Variants in DHX36 observed in about 807,000 individuals in gnomAD.
The protein encoded by DHX36 is DEAH-box helicase 36, also known as ATP-dependent DNA/RNA helicase DHX36.
In DHX36, 50 loss-of-function variants were observed where a neutral mutation model predicts 139.0. That is an observed-to-expected ratio of 0.36 (90% CI 0.29 to 0.46). The LOEUF is 0.46. Among genes scored for constraint, DHX36 ranks in the 20% least tolerant of loss-of-function variants. DHX36 has a pLI of 1.00. For synonymous variants in DHX36, 425 were observed against 401.9 expected, an observed-to-expected ratio of 1.06 and a Z score of -0.69; for missense variants, 1,024 against 1,211.3, an observed-to-expected ratio of 0.85 and a Z score of 2.29.
At position 154,292,574 on chromosome 3, in the gene DHX36, T is replaced by C. The variant is rs747580440; in HGVS notation, c.1791A>G (p.Lys597=). Residue 597 remains lysine (K), a synonymous_variant, in exon 15 of 25, where the codon AAA becomes AAG. Transcript: ENST00000496811. ...SAEWVSKANA[K]QRKGRAGRVQ... ...ACCTTCCAGCTCGACCTTTTCTCTGTTTGGCATTAGCTTTACTAACCCACT... is the reference window on the plus strand; with the variant it reads ...ACCTTCCAGCTCGACCTTTTCTCTGCTTGGCATTAGCTTTACTAACCCACT... The C allele has an allele frequency of 3.2e-5, 52 of 1,614,134 alleles. No individual in the cohort carries two copies. The East Asian group carries it at 1.1e-3, about 35-fold the overall frequency.
At chr3:154,286,458 G>C (rs1420169276) in intron 17 of DHX36, among the ~76,000 whole-genome samples, 1 of 151,338 alleles carries the variant, frequency 6.6e-6, no homozygotes, top group Non-Finnish European at 1.5e-5. Flanking sequence ...TGTATTATCA[G>C]ACTCGAAAGA....
chr3:154,289,531 TA>T (rs1485596497), intron 16 of DHX36, among the ~76,000 whole-genome samples, 177 bp downstream of exon 16: 2 of 152,214 alleles, frequency 1.3e-5, no homozygotes, highest in Non-Finnish European at 2.9e-5. Context: ...GTATATAATT[TA>T]AAAGTGTTGA....
At chr3:154,295,529 ATTCT>A (rs1712008038) in intron 12 of DHX36, among the ~76,000 whole-genome samples, 190 bp from the exon 13 acceptor site, 2 of 152,168 alleles carry the variant, frequency 1.3e-5, no homozygotes, top group African/African-American at 4.8e-5. Flanking sequence ...TGAACCAAAA[ATTCT>A]TTATTTTTAT....
rs767220511 is a variant in DHX36, at chr3:154,309,669, C to A, written c.797G>T (p.Arg266Ile). The change falls in exon 5 of 25, where the codon AGA (arginine) becomes ATA (isoleucine). Residue 266 changes from arginine (R) to isoleucine (I), a missense_variant. This residue lies in a region of DHX36 where 146 missense variants were observed against 215.0 expected (regional missense o/e 0.68). Transcript: ENST00000496811. ...ATTACTTACTGAAATGGCACTAATT[C>A]TTCTTGGCTGAGTACAAACTATTCT... ...ACRIVCTQPRRISAISVAERV... is the reference protein window; with the variant it reads ...ACRIVCTQPRIISAISVAERV... The A allele has an allele frequency of 1.9e-6, 3 of 1,600,756 alleles. No individual in the cohort carries two copies. The highest frequency in any genetic ancestry group is 2.6e-6 in the Non-Finnish European group (3 of 1,176,352).
chr3:154,276,118 A>G lies in DHX36; in HGVS notation c.*53T>C. The G allele has an allele frequency of 5.8e-6, 9 of 1,558,416 alleles. No individual in the cohort carries two copies. The highest frequency in any genetic ancestry group is 7.8e-6 in the Non-Finnish European group (9 of 1,153,020). On this transcript the variant is annotated 3_prime_UTR_variant, in exon 25 of 25. Transcript: ENST00000496811. ...TTTGGCATCCAGCCAAAATTTAAAC[A>G]ATGATGAAGAATGGCTGTCAAACTG...
At chr3:154,276,522 A>T in intron 24 of DHX36, 166 bp from the exon 25 acceptor site, 2 of 779,682 alleles carry the variant, frequency 2.6e-6, no homozygotes, top group African/African-American at 1.8e-5. Flanking sequence ...TGAATAACTA[A>T]AGTGCAGTTA....
chr3:154,284,382 T>C (rs1269550243), intron 19 of DHX36, among the ~76,000 whole-genome samples: 1 of 152,156 alleles, frequency 6.6e-6, no homozygotes, highest in Non-Finnish European at 1.5e-5. Flanking sequence ...GGTTTCGCCA[T>C]GTTGGCCAGC....
intron 1 of DHX36, among the ~76,000 whole-genome samples, chr3:154,318,321 G>T (rs1713064735): frequency 6.6e-6 from 1 of 152,012 alleles, no homozygotes; most frequent in Non-Finnish European, 1.5e-5. Context: ...TCCTCTTAAG[G>T]TTTTTTGATG....
intron 5 of DHX36, among the ~76,000 whole-genome samples, chr3:154,308,759 T>A (rs1364144351): frequency 1.3e-5 from 2 of 152,176 alleles, no homozygotes. Context: ...GGATTTCGTA[T>A]AGTCAACCTG....
At chr3:154,277,747 T>C (rs1343579965) in intron 22 of DHX36, 29 bp from the exon 23 acceptor site, 14 of 1,569,232 alleles carry the variant, frequency 8.9e-6, no homozygotes, top group African/African-American at 1.4e-5. Flanking sequence ...TGCAGTTTGT[T>C]AAAAAGAAGT....
chr3:154,278,148 C>T (rs1456867161), intron 22 of DHX36, among the ~76,000 whole-genome samples: 1 of 152,002 alleles, frequency 6.6e-6, no homozygotes, highest in Non-Finnish European at 1.5e-5. Flanking sequence ...TACTGATAAA[C>T]AGCCCTTGAT....
intron 1 of DHX36, among the ~76,000 whole-genome samples, chr3:154,317,947 C>G (rs1055714010): frequency 6.6e-6 from 1 of 152,034 alleles, no homozygotes; most frequent in Non-Finnish European, 1.5e-5. Flanking sequence ...CTTCTCTTCA[C>G]TGTATTCTAT....
chr3:154,304,989 A>G lies in DHX36; in HGVS notation c.969-17T>C, dbSNP rs912016901. 4 of 1,596,646 alleles carry G rather than the reference A, an allele frequency of 2.5e-6. No homozygotes were observed. The African/African-American group carries it at 4.1e-5, about 16-fold the overall frequency. On this transcript the variant is annotated splice_polypyrimidine_tract_variant and intron_variant, in intron 7 of 24. Coordinates refer to ENST00000496811, the MANE Select transcript of DHX36 (RefSeq NM_020865.3). ...GACAAATACCTAAGGCAGAAGTGTGAAGTACAAAATTTTAAAACCATTTTT... is the reference window on the plus strand; with the variant it reads ...GACAAATACCTAAGGCAGAAGTGTGGAGTACAAAATTTTAAAACCATTTTT...
At chr3:154,292,399 GAAC>G (rs775167487) in intron 15 of DHX36, 149 bp downstream of exon 15, 32 of 1,102,016 alleles carry the variant, frequency 2.9e-5, no homozygotes, top group South Asian at 1.0e-4. Context: ...ACTACGATTA[GAAC>G]AACTTTCCTA....
At chr3:154,298,683 A>G (rs567056023) in intron 12 of DHX36, among the ~76,000 whole-genome samples, 1 of 150,570 alleles carries the variant, frequency 6.6e-6, no homozygotes, top group Admixed American at 6.6e-5. Flanking sequence ...TGGGAGGCCG[A>G]GGCAGGCAGA....
At chr3:154,292,202 T>C (rs529050916) in intron 15 of DHX36, among the ~76,000 whole-genome samples, 1 of 152,276 alleles carries the variant, frequency 6.6e-6, no homozygotes, top group South Asian at 2.1e-4. Context: ...AGAAAGTTAA[T>C]ATGGATCAAG....
chr3:154,276,948 T>A, intron 23 of DHX36, 49 bp from the exon 24 acceptor site: 1 of 1,508,276 alleles, frequency 6.6e-7, no homozygotes. Flanking sequence ...TCTGAAAAGA[T>A]TACTATATAA....
chr3:154,286,615 A>T (rs967991709), intron 17 of DHX36, among the ~76,000 whole-genome samples: 1 of 151,914 alleles, frequency 6.6e-6, no homozygotes, highest in South Asian at 2.1e-4. Flanking sequence ...ACTCTAAAAT[A>T]CTGAGACTGA....
rs1712916491 is a variant in DHX36 at position 154,315,099 on chromosome 3, A to G, written c.550T>C (p.Leu184=). ...TTTTTCTTTTGTAAATCTTCCAATAATTTTTGGTCTAAAGTTCCATCTGGT... is the reference window on the plus strand; with the variant it reads ...TTTTTCTTTTGTAAATCTTCCAATAGTTTTTGGTCTAAAGTTCCATCTGGT... ...NEPDGTLDQK[L]LEDLQKKKND... is the part of the protein sequence containing the mutation. Residue 184 remains leucine, a synonymous_variant, in exon 3 of 25, where the codon TTA becomes CTA. Coordinates refer to ENST00000496811, the MANE Select transcript of DHX36 (RefSeq NM_020865.3). The G allele has an allele frequency of 1.9e-6, 3 of 1,612,378 alleles. No individual in the cohort carries two copies. The highest frequency in any genetic ancestry group is 1.7e-6 in the Non-Finnish European group (2 of 1,179,382).
Sources: allele counts gnomAD v4.1 joint callset (sites outside exome capture counted in the v4.1 genomes callset), GRCh38; gene constraint gnomAD v4.1.1; regional missense constraint gnomAD v4.1.1; transcripts MANE v1.5; gene names NCBI Gene and HGNC (gene_info 2026-07-23, HGNC 2026-07-21).